Variants in GALNT14 observed in about 807,000 individuals in gnomAD.
The protein encoded by GALNT14 is polypeptide N-acetylgalactosaminyltransferase 14.
Under a neutral mutation model 77.5 loss-of-function variants are expected in GALNT14, and 60 were observed. The ratio of observed to expected loss-of-function variants is 0.77; its 90% CI spans 0.63 to 0.96. The LOEUF (loss-of-function observed/expected upper bound fraction) is 0.96, where lower values mean the gene tolerates loss of function less well. Among genes scored for constraint, GALNT14 ranks in the 40% least tolerant of loss-of-function variants. The pLI is 0.00. For synonymous variants in GALNT14, 280 were observed against 281.7 expected (o/e 0.99, Z 0.06); for missense variants, 710 against 731.0 (o/e 0.97, Z 0.33).
chr2:30,938,384 A>ACACTCTCTCTCT (rs1174119035), intron 9 of GALNT14, among the ~76,000 whole-genome samples: 97 of 141,774 alleles, frequency 6.8e-4, no homozygotes, highest in Admixed American at 2.5e-3. Context: ...ACACACACAC[A>ACACTCTCTCTCT]CTCTCTCTCT....
intron 1 of GALNT14, among the ~76,000 whole-genome samples, chr2:31,020,422 C>T (rs948451334): frequency 1.3e-5 from 2 of 152,040 alleles, no homozygotes; most frequent in African/African-American, 4.8e-5. Flanking sequence ...TCAAGCAGTC[C>T]CTGGTCCCCC....
chr2:30,955,518 CAGA>C (rs1667306841), intron 6 of GALNT14, 97 bp downstream of exon 6: 1 of 1,489,892 alleles, frequency 6.7e-7, no homozygotes, highest in Admixed American at 2.1e-5. Flanking sequence ...GCCCACCTCC[CAGA>C]AGAACTGGGG....
At chr2:30,941,762 G>T (rs983043589) in intron 9 of GALNT14, among the ~76,000 whole-genome samples, 1 of 152,178 alleles carries the variant, frequency 6.6e-6, no homozygotes, top group East Asian at 1.9e-4. Flanking sequence ...GACTTTAATG[G>T]ATGTTAATGG....
chr2:31,071,020 T>C (rs1675329841), intron 1 of GALNT14, among the ~76,000 whole-genome samples: 1 of 152,198 alleles, frequency 6.6e-6, no homozygotes, highest in Admixed American at 6.5e-5. Flanking sequence ...AAATATCATA[T>C]GTTCTCACTC....
rs997021816 is a variant in GALNT14, at chr2:30,926,245, G to A, written c.1152-1422C>T. On this transcript the variant is annotated intron_variant, in intron 11 of 14. Transcript: ENST00000349752. ...TGGTGCAGTGTTACCAAGACTTGGT[G>A]ATCATTTGGATGGGAAAGAGAAGGG... Among the ~76,000 whole-genome samples the A allele has an allele frequency of 4.6e-5, 7 of 152,202 alleles. No homozygotes were observed. The East Asian group carries it at 1.3e-3, about 29-fold the overall frequency.
chr2:30,944,330 G>A (rs1666558789), intron 8 of GALNT14, among the ~76,000 whole-genome samples: 1 of 152,190 alleles, frequency 6.6e-6, no homozygotes, highest in African/African-American at 2.4e-5. Flanking sequence ...GAGAATGTGG[G>A]TCAGTACAAA....
chr2:30,915,987 G>A (rs1031584110), intron 13 of GALNT14, among the ~76,000 whole-genome samples: 1 of 151,948 alleles, frequency 6.6e-6, no homozygotes, highest in Non-Finnish European at 1.5e-5. Flanking sequence ...TTTTATCAGG[G>A]GTCTGAAGAA....
chr2:30,987,200 T>G (rs1669350464), intron 2 of GALNT14, among the ~76,000 whole-genome samples: 3 of 152,180 alleles, frequency 2.0e-5, no homozygotes. Flanking sequence ...GAGACATGCA[T>G]GTCTACAGGC....
intron 1 of GALNT14, among the ~76,000 whole-genome samples, chr2:31,062,554 TATA>T (rs1674671273): frequency 1.3e-5 from 2 of 152,224 alleles, no homozygotes; most frequent in South Asian, 4.1e-4. Context: ...TAGAATGATT[TATA>T]ATCTTTTGGG....
intron 1 of GALNT14, among the ~76,000 whole-genome samples, chr2:31,137,059 T>C (rs1679256808): frequency 6.6e-6 from 1 of 152,172 alleles, no homozygotes; most frequent in Non-Finnish European, 1.5e-5. Context: ...AGAGGCCTCC[T>C]TCCGTGTCCC....
intron 1 of GALNT14, among the ~76,000 whole-genome samples, chr2:31,051,692 G>A (rs1673879234): frequency 6.6e-6 from 1 of 152,202 alleles, no homozygotes; most frequent in African/African-American, 2.4e-5. Context: ...AGGGCCTGGA[G>A]ATCATGGGCA....
chr2:30,963,711 C>G (rs1253016736), intron 3 of GALNT14, among the ~76,000 whole-genome samples: 3 of 152,156 alleles, frequency 2.0e-5, no homozygotes, highest in Non-Finnish European at 2.9e-5. Context: ...TAATAACATG[C>G]CCCAGGGTCA....
chr2:31,090,193 G>C (rs1194849738), intron 1 of GALNT14, among the ~76,000 whole-genome samples: 1 of 152,136 alleles, frequency 6.6e-6, no homozygotes, highest in African/African-American at 2.4e-5. Context: ...AAGGCCCCCA[G>C]TTCACAGCCA....
intron 9 of GALNT14, among the ~76,000 whole-genome samples, chr2:30,941,609 C>T (rs1666379526): frequency 6.6e-6 from 1 of 152,204 alleles, no homozygotes; most frequent in Non-Finnish European, 1.5e-5. Flanking sequence ...TGACCAGATC[C>T]AACCATCTGT....
chr2:31,061,336 A>G (rs1306084847), intron 1 of GALNT14, among the ~76,000 whole-genome samples: 7 of 152,132 alleles, frequency 4.6e-5, no homozygotes, highest in African/African-American at 1.7e-4. Context: ...CAAATCTGTT[A>G]TAGGTTTATT....
intron 2 of GALNT14, among the ~76,000 whole-genome samples, chr2:30,988,780 A>C (rs1669480412): frequency 6.6e-6 from 1 of 152,166 alleles, no homozygotes. Flanking sequence ...CAGATCGCTA[A>C]ACTCCACCCC....
At position 31,027,403 on chromosome 2, in the gene GALNT14, G is replaced by GC. The variant is rs1409500608; in HGVS notation, c.130-34397dup. On this transcript the variant is annotated intron_variant, in intron 1 of 14. Coordinates refer to ENST00000349752, the MANE Select transcript of GALNT14 (RefSeq NM_024572.4). The stretch of plus-strand genomic sequence containing the variant: ...TTGCACTCCAGCCTAGGCAACAAGA[G>GC]CAAAACTCCAACTCAAAACAAAGCA... Among the ~76,000 whole-genome samples the GC allele has an allele frequency of 2.9e-5, 4 of 137,156 alleles. No individual in the cohort carries two copies. In the Admixed American group the frequency reaches 3.1e-4, roughly 11 times the overall value. The allele number at this position is 137,156 out of a possible 152,430, so 90.0% of individuals were successfully genotyped here.
chr2:31,104,474 T>G (rs1031138185), intron 1 of GALNT14, among the ~76,000 whole-genome samples: 1 of 152,058 alleles, frequency 6.6e-6, no homozygotes, highest in Non-Finnish European at 1.5e-5. Flanking sequence ...TGTCAAAAAA[T>G]CAACAATGAT....
In GALNT14 at chr2:30,932,183, G is replaced by A. The variant is rs771870260; in HGVS notation, c.943C>T (p.Arg315Ter). The A allele has an allele frequency of 1.7e-5, 25 of 1,513,640 alleles. No homozygotes were observed. The highest frequency in any genetic ancestry group is 2.5e-5 in the East Asian group (1 of 39,714). The allele number at this position is 1,513,640 out of a possible 1,614,324, so 93.8% of individuals were successfully genotyped here. A position where few individuals can be genotyped will look rare whatever the true frequency, so the allele number is the denominator to read the frequency against. ...AGGCTGCCCCCGCACATCCACACTC[G>A]GAAGGAGATTTCTGCAAGACAGTCA... ...WGGENFEISF[R>*]VWMCGGSLEI... is the part of the protein sequence containing the mutation. The change falls in exon 10 of 15, where the codon CGA becomes TGA. Residue 315 changes from arginine to a stop codon, truncating the protein, a stop_gained. Coordinates refer to ENST00000349752, the MANE Select transcript of GALNT14 (RefSeq NM_024572.4). LOFTEE classifies it high-confidence loss of function.
Sources: allele counts gnomAD v4.1 joint callset (sites outside exome capture counted in the v4.1 genomes callset), GRCh38; gene constraint gnomAD v4.1.1; transcripts MANE v1.5; gene names NCBI Gene and HGNC (gene_info 2026-07-23, HGNC 2026-07-21).